Variants in SEC31B observed in about 807,000 individuals in gnomAD.
SEC31B encodes the protein protein transport protein Sec31B.
A neutral mutation model predicts 135.0 loss-of-function variants in SEC31B; 113 were observed. That is an observed-to-expected ratio of 0.84 (90% CI 0.72 to 0.98). SEC31B has a LOEUF of 0.98. Among genes scored for constraint, SEC31B ranks in the 50% least tolerant of loss-of-function variants. The pLI is 0.00. For missense variants in SEC31B, 1,296 were observed against 1,421.1 expected (o/e 0.91, Z 1.42); for synonymous variants, 508 against 549.4 (o/e 0.92, Z 1.05).
chr10:100,489,191 A>C, intron 23 of SEC31B, 61 bp downstream of exon 23: 1 of 1,534,492 alleles, frequency 6.5e-7, no homozygotes, highest in South Asian at 1.3e-5. Context: ...ATCTACCATG[A>C]CCTGCACCCA....
At position 100,505,474 on chromosome 10, in the gene SEC31B, C is replaced by G; in HGVS notation, c.1066G>C (p.Gly356Arg). The G allele has an allele frequency of 6.4e-7, 1 of 1,565,178 alleles. No individual in the cohort carries two copies. Among genetic ancestry groups the G allele is most frequent in the Non-Finnish European group, 8.6e-7 (1 of 1,158,974 alleles). The change falls in exon 10 of 26, where the codon GGC becomes CGC. Residue 356 changes from glycine (G) to arginine (R), a missense_variant. Physicochemically the swap from Gly to Arg is moderately radical, Grantham distance 125. Coordinates refer to ENST00000370345, the MANE Select transcript of SEC31B (RefSeq NM_015490.4). ...ACCTGCAGTGGTGGGAGAGGCTGGC[C>G]TTTGCTGAAGGAAGAGGAGATCTGG... is the stretch of plus-strand genomic sequence containing the variant. ...ADKISSSFSK[G>R]QPLPPLQVPE...
intron 20 of SEC31B, 62 bp downstream of exon 20, chr10:100,490,644 T>G (rs2133670491): frequency 6.9e-7 from 1 of 1,452,866 alleles, no homozygotes; most frequent in South Asian, 1.5e-5. Context: ...ATGCTGGCCA[T>G]GCCAATTGCT....
rs531715772 is a variant in SEC31B, at chr10:100,490,963, A to G, written c.2473-80T>C. On this transcript the variant is annotated intron_variant, in intron 19 of 25. Coordinates refer to ENST00000370345, the MANE Select transcript of SEC31B (RefSeq NM_015490.4). ...AGAAAACAGAAAAATAATAGGGAAAATTAATGAAACAAAAACTAGTTCTTT... is the reference window on the plus strand; with the variant it reads ...AGAAAACAGAAAAATAATAGGGAAAGTTAATGAAACAAAAACTAGTTCTTT... 1.9e-5 allele frequency: 20 copies of G among 1,063,660 alleles called. No homozygotes were observed. The East Asian group carries it at 3.7e-4, about 20-fold the overall frequency. 65.9% of individuals were successfully genotyped at this position (1,063,660 alleles called of 1,614,324 possible).
chr10:100,498,400 AG>A lies in SEC31B; in HGVS notation c.1685-194del, dbSNP rs1183353611. 5 of 636,704 alleles carry A rather than the reference AG, an allele frequency of 7.9e-6. No individual in the cohort carries two copies. In the African/African-American group the frequency reaches 9.2e-5, roughly 12 times the overall value. 39.4% of individuals were successfully genotyped at this position (636,704 alleles called of 1,614,324 possible). On this transcript the variant is annotated intron_variant, in intron 14 of 25. Transcript: ENST00000370345. ...AGGTCTAAAGACAGGGCCCAAGACA[AG>A]GGAGGGAACTGATGTGGCAGTAGCA...
Position 100,497,790 on chromosome 10 carries a change from G to C in SEC31B, c.1867C>G (p.Leu623Val), listed in dbSNP as rs148959741. The change falls in exon 16 of 26, where the codon CTA becomes GTA. Residue 623 changes from leucine to valine, a missense_variant. Transcript: ENST00000370345. ...AKKKTKISSL[L>V]ACVVQKNWKD... ...CAATTCTTTTGCACAACACAGGCTA[G>C]AAGCTGTAATGGGCAGAGAGGGAAA... is the stretch of plus-strand genomic sequence containing the variant. 2 of 1,614,244 alleles carry C rather than the reference G, an allele frequency of 1.2e-6. No individual in the cohort carries two copies. The highest frequency in any genetic ancestry group is 2.2e-5 in the South Asian group (2 of 91,090).
Position 100,490,122 on chromosome 10 carries a change from C to T in SEC31B, c.2851G>A (p.Val951Ile). 1 of 1,588,888 alleles carries T rather than the reference C, an allele frequency of 6.3e-7. No individual in the cohort carries two copies. The highest frequency in any genetic ancestry group is 2.2e-5 in the East Asian group (1 of 44,748). The change falls in exon 21 of 26, where the codon GTC becomes ATC. Residue 951 changes from valine (V) to isoleucine (I), a missense_variant. Transcript: ENST00000370345. ...GCAGGAGGGGCTGGGGTGTGGGAGA[C>T]CATGCGGCCGGGACCTAGTGGTCTC... is the stretch of plus-strand genomic sequence containing the variant. ...PLRPLGPGRM[V>I]SHTPAPPASF...
chr10:100,494,951 G>A (rs561647646), intron 19 of SEC31B: 11 of 200,082 alleles, frequency 5.5e-5, no homozygotes, highest in African/African-American at 1.2e-4. Context: ...TCAGCCTCCC[G>A]AGTAGCTGGG....
rs747484555 is a variant in SEC31B, at chr10:100,497,190, C to T, written c.2081G>A (p.Arg694Gln). The T allele has an allele frequency of 1.6e-5, 26 of 1,613,902 alleles. No homozygotes were observed. Among genetic ancestry groups the T allele is most frequent in the Admixed American group, 5.0e-5 (3 of 59,994 alleles). The change falls in exon 17 of 26, where the codon CGG becomes CAG. Residue 694 changes from arginine to glutamine, a missense_variant. By Grantham distance (43) the Arg-to-Gln change is conservative. Coordinates refer to ENST00000370345, the MANE Select transcript of SEC31B (RefSeq NM_015490.4). ...GCATTTTGCCCAGCACTCCACCAGC[C>T]GCTCCACACTCCCTGAGCACACATA... ...LCYVCSGSVE[R>Q]LVECWAKCHQ...
intron 3 of SEC31B, among the ~76,000 whole-genome samples, chr10:100,511,067 C>T (rs536905313): frequency 6.6e-6 from 1 of 152,312 alleles, no homozygotes; most frequent in Admixed American, 6.5e-5. Flanking sequence ...ACATGACATA[C>T]AGAGCACAGT....
At chr10:100,517,945 T>C (rs1349159064) in intron 1 of SEC31B, among the ~76,000 whole-genome samples, 1 of 152,150 alleles carries the variant, frequency 6.6e-6, no homozygotes, top group Non-Finnish European at 1.5e-5. Context: ...TCTGTCTACT[T>C]TTCTCTATTT....
Position 100,505,447 on chromosome 10 carries a change from G to A in SEC31B, c.1093C>T (p.Pro365Ser). 3.1e-6 allele frequency: 5 copies of A among 1,594,850 alleles called. No individual in the cohort carries two copies. The highest frequency in any genetic ancestry group is 4.3e-6 in the Non-Finnish European group (5 of 1,170,864). Residue 365 changes from proline (P) to serine (S), a missense_variant, in exon 10 of 26, where the codon CCA becomes TCA. Physicochemically the swap from Pro to Ser is moderately conservative, Grantham distance 74. Coordinates refer to ENST00000370345, the MANE Select transcript of SEC31B (RefSeq NM_015490.4). ...KGQPLPPLQV[P>S]EQVAQAPLIP... ...AGTGGTGCTTGTGCCACTTGCTCTGGCACCTGCAGTGGTGGGAGAGGCTGG... is the reference window on the plus strand; with the variant it reads ...AGTGGTGCTTGTGCCACTTGCTCTGACACCTGCAGTGGTGGGAGAGGCTGG...
intron 16 of SEC31B, 98 bp from the exon 17 acceptor site, chr10:100,497,378 G>C: frequency 6.4e-7 from 1 of 1,555,274 alleles, no homozygotes; most frequent in Non-Finnish European, 8.7e-7. Flanking sequence ...CCTGGGACAA[G>C]TAGCTGCAGT....
Position 100,497,705 on chromosome 10 carries a change from A to G in SEC31B, c.1952T>C (p.Leu651Pro), listed in dbSNP as rs1421832763. ...KNWREALALL[L>P]TYSGTEKFPE... ...AAATTTCTCTGTGCCTGAGTATGTC[A>G]GTAGCAAAGCCAGTGCCTCTCTCCA... The change falls in exon 16 of 26, where the codon CTG becomes CCG. Residue 651 changes from leucine (L) to proline (P), a missense_variant. Coordinates refer to ENST00000370345, the MANE Select transcript of SEC31B (RefSeq NM_015490.4). The G allele has an allele frequency of 1.2e-6, 2 of 1,614,102 alleles. No individual in the cohort carries two copies. Among genetic ancestry groups the G allele is most frequent in the African/African-American group, 2.7e-5 (2 of 74,940 alleles).
At chr10:100,487,995 G>A (rs760131440) in intron 25 of SEC31B, 32 bp downstream of exon 25, 2 of 1,601,598 alleles carry the variant, frequency 1.2e-6, no homozygotes, top group Non-Finnish European at 8.6e-7. Context: ...GGAAGTGTAG[G>A]AGGCAGTGGG....
chr10:100,497,052 C>T (rs1564649696), intron 17 of SEC31B, 83 bp downstream of exon 17: 15 of 1,529,314 alleles, frequency 9.8e-6, no homozygotes, highest in Non-Finnish European at 1.3e-5. Flanking sequence ...AGAAGATTCG[C>T]CTCTGCTAGC....
At chr10:100,519,132 G>A (rs908257459) in intron 1 of SEC31B, among the ~76,000 whole-genome samples, 2 of 152,226 alleles carry the variant, frequency 1.3e-5, no homozygotes, top group African/African-American at 4.8e-5. Context: ...TCAGCATCAA[G>A]AGCCCGTATT....
intron 25 of SEC31B, 36 bp downstream of exon 25, chr10:100,487,991 G>A (rs1851215181): frequency 6.3e-7 from 1 of 1,597,592 alleles, no homozygotes. Context: ...TGGTGGAAGT[G>A]TAGGAGGCAG....
chr10:100,502,433 C>T lies in SEC31B; in HGVS notation c.1231G>A (p.Val411Met), dbSNP rs769798166. The T allele has an allele frequency of 3.1e-6, 5 of 1,614,086 alleles. No individual in the cohort carries two copies. Among genetic ancestry groups the T allele is most frequent in the Non-Finnish European group, 4.2e-6 (5 of 1,180,030 alleles). Reference sequence around the variant, plus strand: ...ACTAGGCGGGGGCAAGGCTGTGGCACCAGATGGGCAGGGGTGCTGGGGAGG... The same window carrying T: ...ACTAGGCGGGGGCAAGGCTGTGGCATCAGATGGGCAGGGGTGCTGGGGAGG... ...FGLPSTPAHL[V>M]PQPCPRLVFI... The change falls in exon 11 of 26, where the codon GTG becomes ATG. Residue 411 changes from valine (V) to methionine (M), a missense_variant. Physicochemically the swap from Val to Met is conservative, Grantham distance 21. Coordinates refer to ENST00000370345, the MANE Select transcript of SEC31B (RefSeq NM_015490.4).
Position 100,506,321 on chromosome 10 carries a change from C to A in SEC31B, c.882G>T (p.Glu294Asp). ...CATGCCCACAGAAGGGCCAGCCTAC[C>A]TCACTGCTCCCCAGGTTCCGGCACA... ...QILCRNLGSS[E>D]VVYKLPTQSS... The change falls in exon 8 of 26, where the codon GAG (glutamate) becomes GAT (aspartate). Residue 294 changes from glutamate (E) to aspartate (D), a missense_variant and splice_region_variant. Glu to Asp is a conservative substitution (Grantham distance 45, BLOSUM62 2). Transcript: ENST00000370345. 1 of 1,614,170 alleles carries A rather than the reference C, an allele frequency of 6.2e-7. No individual in the cohort carries two copies. Among genetic ancestry groups the A allele is most frequent in the South Asian group, 1.1e-5 (1 of 91,078 alleles).
Sources: allele counts gnomAD v4.1 joint callset (sites outside exome capture counted in the v4.1 genomes callset), GRCh38; gene constraint gnomAD v4.1.1; transcripts MANE v1.5; gene names NCBI Gene and HGNC (gene_info 2026-07-23, HGNC 2026-07-21).